Variants in IPCEF1 observed in about 807,000 individuals in gnomAD.
IPCEF1 encodes the protein interactor protein for cytohesin exchange factors 1.
A neutral mutation model predicts 50.9 loss-of-function variants in IPCEF1; 31 were observed. The observed-to-expected ratio is 0.61, with a 90% CI of 0.46 to 0.82. The LOEUF is 0.82. IPCEF1 is among the 40% of genes least tolerant of loss of function. The probability of loss-of-function intolerance (pLI) is 0.00; values close to 1 mark genes in which losing one functional copy is unlikely to be tolerated. For synonymous variants in IPCEF1, 181 were observed against 192.0 expected, an observed-to-expected ratio of 0.94 and a Z score of 0.47; for missense variants, 458 against 514.0, an observed-to-expected ratio of 0.89 and a Z score of 1.05.
At chr6:154,297,470 C>G (rs867401286) in intron 1 of IPCEF1, among the ~76,000 whole-genome samples, 1 of 152,230 alleles carries the variant, frequency 6.6e-6, no homozygotes, top group Non-Finnish European at 1.5e-5. Flanking sequence ...GGGCAGCCTA[C>G]ATTCAGGGCT....
chr6:154,225,026 C>T (rs2128620096), intron 5 of IPCEF1, among the ~76,000 whole-genome samples: 1 of 152,250 alleles, frequency 6.6e-6, no homozygotes, highest in South Asian at 2.1e-4. Flanking sequence ...CTCATCAATT[C>T]CACTTTTAGA....
chr6:154,203,704 T>C (rs958342752), intron 9 of IPCEF1, among the ~76,000 whole-genome samples: 1 of 152,200 alleles, frequency 6.6e-6, no homozygotes, highest in Non-Finnish European at 1.5e-5. Context: ...TGACTCTTCA[T>C]CTTTTTGATG....
intron 2 of IPCEF1, among the ~76,000 whole-genome samples, chr6:154,284,065 T>C (rs1782294274): frequency 6.6e-6 from 1 of 152,232 alleles, no homozygotes; most frequent in South Asian, 2.1e-4. Context: ...TATAGTTTCC[T>C]ATTCCTAGCT....
intron 10 of IPCEF1, among the ~76,000 whole-genome samples, chr6:154,173,144 C>T (rs903096520): frequency 6.6e-6 from 1 of 152,226 alleles, no homozygotes; most frequent in African/African-American, 2.4e-5. Flanking sequence ...AGGAAGTCCA[C>T]ATCAAAACCC....
At chr6:154,335,695 AAG>A (rs367770500) in intron 1 of IPCEF1, among the ~76,000 whole-genome samples, 16 of 152,258 alleles carry the variant, frequency 1.1e-4, no homozygotes, top group African/African-American at 3.9e-4. Flanking sequence ...GTAAAAGAAA[AAG>A]AGAAGATACA....
intron 1 of IPCEF1, among the ~76,000 whole-genome samples, chr6:154,326,199 G>A (rs1474462543): frequency 1.3e-5 from 2 of 149,388 alleles, no homozygotes; most frequent in Non-Finnish European, 2.9e-5. Context: ...TCCAGCCTGA[G>A]TGATAGAGCC....
chr6:154,183,995 A>G (rs1801122731), intron 10 of IPCEF1, among the ~76,000 whole-genome samples: 1 of 152,164 alleles, frequency 6.6e-6, no homozygotes, highest in Non-Finnish European at 1.5e-5. Flanking sequence ...AATTTCAAGT[A>G]CACAATGTAG....
chr6:154,319,983 G>A (rs1783333149), intron 1 of IPCEF1, among the ~76,000 whole-genome samples: 1 of 152,136 alleles, frequency 6.6e-6, no homozygotes, highest in Non-Finnish European at 1.5e-5. Context: ...TTAGACACGA[G>A]CATTTTTTCC....
At chr6:154,193,341 T>C (rs1013250480) in intron 10 of IPCEF1, among the ~76,000 whole-genome samples, 1 of 152,056 alleles carries the variant, frequency 6.6e-6, no homozygotes, top group African/African-American at 2.4e-5. Context: ...CACGATAAAA[T>C]AGACTTTGGG....
intron 6 of IPCEF1, chr6:154,222,885 C>G (rs1778976741): frequency 2.4e-6 from 1 of 410,870 alleles, no homozygotes; most frequent in African/African-American, 2.0e-5. Context: ...ACCTCCCTGC[C>G]AGTCCTGGAG....
intron 10 of IPCEF1, among the ~76,000 whole-genome samples, chr6:154,198,339 A>G (rs1273335640): frequency 6.6e-6 from 1 of 152,314 alleles, no homozygotes; most frequent in East Asian, 1.9e-4. Context: ...CTCACAGTCC[A>G]ATCTTCAGCC....
intron 10 of IPCEF1, among the ~76,000 whole-genome samples, chr6:154,171,744 A>G (rs1024788543): frequency 2.3e-4 from 35 of 152,342 alleles, no homozygotes; most frequent in African/African-American, 8.2e-4. Context: ...GAGACACTGG[A>G]AAGTCTTAAA....
chr6:154,157,359 G>A lies in IPCEF1; in HGVS notation c.*2469C>T, dbSNP rs373070750. 8.5e-5 allele frequency: 13 copies of A among 152,288 alleles called. No homozygotes were observed. Among genetic ancestry groups the A allele is most frequent in the African/African-American group, 3.1e-4 (13 of 41,458 alleles). The allele number at this position is 152,288 out of a possible 1,614,324, so 9.4% of individuals were successfully genotyped here. On this transcript the variant is annotated 3_prime_UTR_variant, in exon 12 of 12. Coordinates refer to ENST00000367220, the MANE Select transcript of IPCEF1 (RefSeq NM_001130700.2). ...GGAAAAACACGAATGAGCAGGCAAT[G>A]GGGCTCCAGAAAGCCAGGTGCAAAA...
intron 1 of IPCEF1, among the ~76,000 whole-genome samples, chr6:154,346,894 C>A (rs908348337): frequency 6.6e-6 from 1 of 152,156 alleles, no homozygotes; most frequent in Non-Finnish European, 1.5e-5. Flanking sequence ...AGACTCTATC[C>A]CTATCCAAGC....
intron 9 of IPCEF1, among the ~76,000 whole-genome samples, chr6:154,211,036 G>A (rs1344856136): frequency 6.6e-6 from 1 of 152,168 alleles, no homozygotes; most frequent in Admixed American, 6.5e-5. Flanking sequence ...TGGCAGAAAA[G>A]GTCTGGTAAG....
intron 9 of IPCEF1, 87 bp from the exon 10 acceptor site, chr6:154,200,127 T>A: frequency 8.1e-7 from 1 of 1,232,280 alleles, no homozygotes; most frequent in South Asian, 1.6e-5. Flanking sequence ...AATCACGGTG[T>A]CCCCGTGTTA....
chr6:154,212,653 T>G, intron 9 of IPCEF1, 117 bp downstream of exon 9: 2 of 660,878 alleles, frequency 3.0e-6, no homozygotes. Flanking sequence ...CGTTGGCAGG[T>G]ATCTTAATTT....
chr6:154,203,755 C>A (rs2128595764), intron 9 of IPCEF1, among the ~76,000 whole-genome samples: 1 of 152,264 alleles, frequency 6.6e-6, no homozygotes, highest in African/African-American at 2.4e-5. Context: ...TTTTTCACCT[C>A]CATTTTTTGC....
At chr6:154,247,142 A>G (rs1274402522) in intron 4 of IPCEF1, 2 of 425,380 alleles carry the variant, frequency 4.7e-6, no homozygotes, top group East Asian at 3.7e-5. Context: ...GCTCCTCTCA[A>G]CAATAACAGC....
Sources: allele counts gnomAD v4.1 joint callset (sites outside exome capture counted in the v4.1 genomes callset), GRCh38; gene constraint gnomAD v4.1.1; transcripts MANE v1.5; gene names NCBI Gene and HGNC (gene_info 2026-07-23, HGNC 2026-07-21).